The following TBC1D16 variants were observed in gnomAD, a reference collection of about 807,000 sequenced individuals.
TBC1D16 encodes the protein CTD-2529O21.1.
In TBC1D16, 58 loss-of-function variants were observed where a neutral mutation model predicts 74.7. The observed-to-expected ratio is 0.78, with a 90% CI of 0.63 to 0.97. The LOEUF is 0.97. Ranked by LOEUF, TBC1D16 falls within the 50% of genes least tolerant of loss-of-function variation. TBC1D16 has a pLI of 0.00. For missense variants in TBC1D16, 1,014 were observed against 1,079.5 expected (o/e 0.94, Z 0.85); for synonymous variants, 493 against 474.7 (o/e 1.04, Z -0.50).
intron 3 of TBC1D16, among the ~76,000 whole-genome samples, chr17:79,996,003 G>C (rs1417714971): frequency 6.6e-6 from 1 of 152,162 alleles, no homozygotes; most frequent in African/African-American, 2.4e-5. Context: ...CAAAGGACTA[G>C]TTTCTAGAGT....
Position 79,988,561 on chromosome 17 carries a change from G to A in TBC1D16, c.779+21599C>T, listed in dbSNP as rs2144432297. On this transcript the variant is annotated intron_variant, in intron 3 of 11. Coordinates refer to ENST00000310924, the MANE Select transcript of TBC1D16 (RefSeq NM_019020.4). This position sits in a 1 kb window ranked among gnomAD's most constrained non-coding sequence, Gnocchi z 5.7. Reference sequence around the variant, plus strand: ...GACCACCTCCCGCTCGGCAAGCCAGGGTCCTGGTGAACGCACGTGCCTGCG... The same window carrying A: ...GACCACCTCCCGCTCGGCAAGCCAGAGTCCTGGTGAACGCACGTGCCTGCG... Among the ~76,000 whole-genome samples the A allele has an allele frequency of 6.6e-6, 1 of 152,356 alleles. No individual in the cohort carries two copies. Among genetic ancestry groups the A allele is most frequent in the East Asian group, 1.9e-4 (1 of 5,190 alleles).
chr17:79,950,323 G>A lies in TBC1D16; in HGVS notation c.1257+88C>T. On this transcript the variant is annotated intron_variant, in intron 6 of 11. Transcript: ENST00000310924. This position sits in a 1 kb window ranked among gnomAD's most constrained non-coding sequence, Gnocchi z 4.6. The stretch of plus-strand genomic sequence containing the variant: ...AGGTGGCCCGTGGGTGCGGGCGGGC[G>A]GCCAGGCCCCGGCCCTCCTTCCCTC... 1 of 1,437,682 alleles carries A rather than the reference G, an allele frequency of 7.0e-7. No individual in the cohort carries two copies. The highest frequency in any genetic ancestry group is 1.4e-5 in the South Asian group (1 of 69,298). 89.1% of individuals were successfully genotyped at this position (1,437,682 alleles called of 1,614,324 possible). A position where few individuals can be genotyped will look rare whatever the true frequency, so the allele number is the denominator to read the frequency against.
chr17:80,023,654 C>T (rs2036366114), intron 1 of TBC1D16, among the ~76,000 whole-genome samples: 1 of 133,536 alleles, frequency 7.5e-6, no homozygotes, highest in East Asian at 2.1e-4. Flanking sequence ...GAACTGCTGC[C>T]GGGCCCCCCC....
At position 80,035,777 on chromosome 17, in the gene TBC1D16, C is replaced by G. The variant is rs2036983312; in HGVS notation, c.-63+18G>C. ...TCGGACCCCGCCCCCGCGGCCCCGT[C>G]CGGGCCCCGATACCCACCCGGGTCC... is the stretch of plus-strand genomic sequence containing the variant. On this transcript the variant is annotated intron_variant, in intron 1 of 11. Transcript: ENST00000310924. The surrounding 1 kb of genome is among the most constrained non-coding windows in gnomAD (Gnocchi z 5.3). 6.8e-6 allele frequency: 1 copy of G among 147,020 alleles called. No homozygotes were observed. The allele number at this position is 147,020 out of a possible 1,614,324, so 9.1% of individuals were successfully genotyped here.
chr17:79,950,308 T>C lies in TBC1D16; in HGVS notation c.1257+103A>G. On this transcript the variant is annotated intron_variant, in intron 6 of 11. Coordinates refer to ENST00000310924, the MANE Select transcript of TBC1D16 (RefSeq NM_019020.4). This position sits in a 1 kb window ranked among gnomAD's most constrained non-coding sequence, Gnocchi z 4.6. Reference sequence around the variant, plus strand: ...GGGGCCCTCACGAGGAGGTGGCCCGTGGGTGCGGGCGGGCGGCCAGGCCCC... The same window carrying C: ...GGGGCCCTCACGAGGAGGTGGCCCGCGGGTGCGGGCGGGCGGCCAGGCCCC... 1 of 1,343,114 alleles carries C rather than the reference T, an allele frequency of 7.4e-7. No homozygotes were observed. The allele number at this position is 1,343,114 out of a possible 1,614,324, so 83.2% of individuals were successfully genotyped here.
chr17:80,008,187 G>C lies in TBC1D16; in HGVS notation c.779+1973C>G, dbSNP rs958210806. On this transcript the variant is annotated intron_variant, in intron 3 of 11. Transcript: ENST00000310924. The surrounding 1 kb of genome is among the most constrained non-coding windows in gnomAD (Gnocchi z 4.5). ...TGCAGCCAGGTTGAAGAACCAGCAA[G>C]GCGAAGGGCGGGGAAAAGCGAACCG... Among the ~76,000 whole-genome samples, 1 of 152,130 alleles carries C rather than the reference G, an allele frequency of 6.6e-6. No individual in the cohort carries two copies. The highest frequency in any genetic ancestry group is 1.5e-5 in the Non-Finnish European group (1 of 68,034).
chr17:79,991,334 C>T (rs2035049649), intron 3 of TBC1D16, among the ~76,000 whole-genome samples: 1 of 152,128 alleles, frequency 6.6e-6, no homozygotes, highest in East Asian at 1.9e-4. Context: ...TGTCTGGGTT[C>T]CGTGTAGTCT....
chr17:80,018,292 T>A (rs191520758), intron 1 of TBC1D16, among the ~76,000 whole-genome samples: 1 of 139,324 alleles, frequency 7.2e-6, no homozygotes, highest in Admixed American at 6.7e-5. Context: ...ATTTTTTTTT[T>A]ATTTTTTGAG....
rs1317628798 is a variant in TBC1D16 at position 79,980,588 on chromosome 17, G to A, written c.780-27770C>T. On this transcript the variant is annotated intron_variant, in intron 3 of 11. Transcript: ENST00000310924. This position sits in a 1 kb window ranked among gnomAD's most constrained non-coding sequence, Gnocchi z 7.0. ...GGACACTGTGGTGCAGACAGTGTAG[G>A]GACTGGCGAAGAGACACAGTGGGTG... is the stretch of plus-strand genomic sequence containing the variant. Among the ~76,000 whole-genome samples the A allele has an allele frequency of 1.3e-5, 2 of 152,208 alleles. No individual in the cohort carries two copies. Among genetic ancestry groups the A allele is most frequent in the African/African-American group, 4.8e-5 (2 of 41,448 alleles).
chr17:80,028,702 C>T (rs2036673018), intron 1 of TBC1D16, among the ~76,000 whole-genome samples: 1 of 150,418 alleles, frequency 6.6e-6, no homozygotes. Flanking sequence ...AAGGTCACTG[C>T]AATCTCCGCC....
In TBC1D16 at chr17:79,949,025, C is replaced by A; in HGVS notation, c.1407-19G>T. ...GGAGAGCCTGTGTGGAGCCGAGCAC[C>A]CAGCCGGGGTCAGCGGGTGGCACCC... is the stretch of plus-strand genomic sequence containing the variant. On this transcript the variant is annotated intron_variant, in intron 7 of 11. Transcript: ENST00000310924. 2 of 1,613,684 alleles carry A rather than the reference C, an allele frequency of 1.2e-6. No individual in the cohort carries two copies. The highest frequency in any genetic ancestry group is 2.2e-5 in the South Asian group (2 of 91,070).
Position 80,035,819 on chromosome 17 carries a change from T to G in TBC1D16, c.-87A>C, listed in dbSNP as rs2036987048. On this transcript the variant is annotated 5_prime_UTR_variant, in exon 1 of 12. Transcript: ENST00000310924. The surrounding 1 kb of genome is among the most constrained non-coding windows in gnomAD (Gnocchi z 5.3). ...CCCGGGTCCCGCTGCGGGGGCCGGATTCGCGCCGGCTCCGAGAGCCGCCAC... is the reference window on the plus strand; with the variant it reads ...CCCGGGTCCCGCTGCGGGGGCCGGAGTCGCGCCGGCTCCGAGAGCCGCCAC... 6.9e-6 allele frequency: 1 copy of G among 145,674 alleles called. No individual in the cohort carries two copies. Among genetic ancestry groups the G allele is most frequent in the African/African-American group, 2.5e-5 (1 of 40,658 alleles). The allele number at this position is 145,674 out of a possible 1,614,324, so 9.0% of individuals were successfully genotyped here.
At chr17:79,951,395 G>T in intron 5 of TBC1D16, 55 bp downstream of exon 5, 1 of 1,585,546 alleles carries the variant, frequency 6.3e-7, no homozygotes. Context: ...GATGGGGCCC[G>T]TGGGGGGTGG....
Position 79,979,623 on chromosome 17 carries a change from T to C in TBC1D16, c.780-26805A>G, listed in dbSNP as rs958097024. ...CGCAGGTCCAGGTTATTCGGTGCCA[T>C]AAAAAGGCACACGTCGACCTTCACT... On this transcript the variant is annotated intron_variant, in intron 3 of 11. Coordinates refer to ENST00000310924, the MANE Select transcript of TBC1D16 (RefSeq NM_019020.4). This position sits in a 1 kb window ranked among gnomAD's most constrained non-coding sequence, Gnocchi z 4.8. Among the ~76,000 whole-genome samples, 2 of 151,872 alleles carry C rather than the reference T, an allele frequency of 1.3e-5. No homozygotes were observed. Among genetic ancestry groups the C allele is most frequent in the African/African-American group, 2.4e-5 (1 of 41,300 alleles).
intron 3 of TBC1D16, among the ~76,000 whole-genome samples, chr17:79,977,773 C>G (rs1475765022): frequency 6.6e-6 from 1 of 152,262 alleles, no homozygotes; most frequent in Non-Finnish European, 1.5e-5. Context: ...AGAGGCTGGA[C>G]TCTGCCAGCT....
At position 79,944,348 on chromosome 17, in the gene TBC1D16, C is replaced by T. The variant is rs554571505; in HGVS notation, c.1908+560G>A. Among the ~76,000 whole-genome samples, 73 of 152,124 alleles carry T rather than the reference C, an allele frequency of 4.8e-4. No homozygotes were observed. Among genetic ancestry groups the T allele is most frequent in the Non-Finnish European group, 8.4e-4 (57 of 68,018 alleles). On this transcript the variant is annotated intron_variant, in intron 10 of 11. Transcript: ENST00000310924. This position sits in a 1 kb window ranked among gnomAD's most constrained non-coding sequence, Gnocchi z 7.7. ...ATCTCCAGCTTGTCCCTAGTTTGGGCGTTAAGGCCATGTGACAGAGCCAGT... is the reference window on the plus strand; with the variant it reads ...ATCTCCAGCTTGTCCCTAGTTTGGGTGTTAAGGCCATGTGACAGAGCCAGT...
chr17:80,023,667 A>AC (rs1555885667), intron 1 of TBC1D16, among the ~76,000 whole-genome samples: 4 of 142,604 alleles, frequency 2.8e-5, no homozygotes, highest in South Asian at 2.3e-4. Context: ...GCCCCCCCCC[A>AC]CCGGCTCAGG....
At chr17:79,957,297 T>C (rs1441067982) in intron 3 of TBC1D16, among the ~76,000 whole-genome samples, 1 of 152,114 alleles carries the variant, frequency 6.6e-6, no homozygotes, top group Admixed American at 6.5e-5. Context: ...TGGTAGTGAA[T>C]GGATAAATAA....
At position 80,019,718 on chromosome 17, in the gene TBC1D16, C is replaced by T. The variant is rs1206696810; in HGVS notation, c.-62-6109G>A. Reference sequence around the variant, plus strand: ...ACTCAGAGAAGGAAAAGGAAGAATACGTGTCCCTTAAATCACATAATCCTA... The same window carrying T: ...ACTCAGAGAAGGAAAAGGAAGAATATGTGTCCCTTAAATCACATAATCCTA... On this transcript the variant is annotated intron_variant, in intron 1 of 11. Coordinates refer to ENST00000310924, the MANE Select transcript of TBC1D16 (RefSeq NM_019020.4). Among the ~76,000 whole-genome samples the T allele has an allele frequency of 2.7e-5, 4 of 149,538 alleles. 1 individual carries two copies. The highest frequency in any genetic ancestry group is 7.7e-5 in the African/African-American group (3 of 39,042).
Sources: gnomAD v4.1 joint callset for allele counts (sites outside exome capture counted in the v4.1 genomes callset) on GRCh38, gnomAD v4.1.1 for gene constraint, Gnocchi (gnomAD v3.1) non-coding constraint, MANE v1.5 for transcripts, NCBI Gene and HGNC (gene_info 2026-07-23, HGNC 2026-07-21) for gene names.